ADGRL2: variants seen among roughly 807,000 people sequenced by gnomAD.
The protein encoded by ADGRL2 is calcium-independent alpha-latrotoxin receptor 2.
ADGRL2 carries 44 observed loss-of-function variants against 157.4 expected under a neutral mutation model. The ratio of observed to expected loss-of-function variants is 0.28; its 90% confidence interval spans 0.22 to 0.36. ADGRL2 has a LOEUF of 0.36. Among genes scored for constraint, ADGRL2 ranks in the 10% least tolerant of loss-of-function variants. The pLI, the probability that ADGRL2 is intolerant of heterozygous loss-of-function variation, is 1.00. For synonymous variants in ADGRL2, 585 were observed against 624.7 expected, an observed-to-expected ratio of 0.94 and a Z score of 0.95; for missense variants, 1,510 against 1,768.9, an observed-to-expected ratio of 0.85 and a Z score of 2.63.
chr1:81,876,658 C>T (rs1418335189), intron 2 of ADGRL2, among the ~76,000 whole-genome samples: 1 of 152,076 alleles, frequency 6.6e-6, no homozygotes, highest in Non-Finnish European at 1.5e-5. Flanking sequence ...AGCTAATAAT[C>T]CAACACCCTA....
chr1:81,768,705 T>C (rs966197777), intron 2 of ADGRL2, among the ~76,000 whole-genome samples: 1 of 152,106 alleles, frequency 6.6e-6, no homozygotes, highest in African/African-American at 2.4e-5. Context: ...ACTCCCTAGC[T>C]CAAGCAATCC....
At chr1:81,769,554 C>G (rs61775265) in intron 2 of ADGRL2, among the ~76,000 whole-genome samples, 1 of 151,422 alleles carries the variant, frequency 6.6e-6, no homozygotes, top group Admixed American at 6.6e-5. Context: ...TTTGTCTATC[C>G]CTTTACCAAT....
intron 1 of ADGRL2, among the ~76,000 whole-genome samples, chr1:81,757,808 C>T (rs2085741688): frequency 6.6e-6 from 1 of 152,158 alleles, no homozygotes; most frequent in Non-Finnish European, 1.5e-5. Context: ...AGGCAGATAG[C>T]CAGTCTTTGA....
intron 1 of ADGRL2, among the ~76,000 whole-genome samples, chr1:81,754,312 C>G (rs946092137): frequency 6.7e-6 from 1 of 149,834 alleles, no homozygotes. Flanking sequence ...CATAGACATA[C>G]TAATTTCTTT....
At chr1:81,503,138 A>C in intron 2 of ADGRL2, 1 of 1,614,070 alleles carries the variant, frequency 6.2e-7, no homozygotes, top group Middle Eastern at 1.6e-4. Flanking sequence ...CTGGTGCAGC[A>C]GGCCTTCCAG....
intron 3 of ADGRL2, among the ~76,000 whole-genome samples, chr1:81,611,519 G>A (rs1432627459): frequency 6.6e-6 from 1 of 152,180 alleles, no homozygotes; most frequent in African/African-American, 2.4e-5. Flanking sequence ...CCCACTCACT[G>A]AGACTACTAT....
intron 1 of ADGRL2, among the ~76,000 whole-genome samples, chr1:81,365,989 A>G (rs756104967): frequency 4.6e-5 from 7 of 152,178 alleles, no homozygotes; most frequent in Admixed American, 1.3e-4. Flanking sequence ...TTTTAATAAT[A>G]GTTTATTTCC....
At chr1:81,446,898 T>C (rs2077607397) in intron 2 of ADGRL2, among the ~76,000 whole-genome samples, 1 of 152,192 alleles carries the variant, frequency 6.6e-6, no homozygotes, top group Non-Finnish European at 1.5e-5. Context: ...TAATTTATTG[T>C]AGCCATATTT....
chr1:81,775,911 C>T (rs757762700), intron 2 of ADGRL2, among the ~76,000 whole-genome samples: 2 of 152,064 alleles, frequency 1.3e-5, no homozygotes, highest in Non-Finnish European at 2.9e-5. Flanking sequence ...AAAATAAGGC[C>T]TTTTTAGCTG....
chr1:81,726,030 C>A (rs1311469742), intron 1 of ADGRL2, among the ~76,000 whole-genome samples: 2 of 152,078 alleles, frequency 1.3e-5, no homozygotes, highest in Non-Finnish European at 2.9e-5. Flanking sequence ...CCAAAACAAT[C>A]CGCAGGTGGT....
intron 3 of ADGRL2, among the ~76,000 whole-genome samples, chr1:81,666,525 T>C (rs2082753486): frequency 6.6e-6 from 1 of 152,206 alleles, no homozygotes; most frequent in African/African-American, 2.4e-5. Context: ...TTATTTATTA[T>C]TGGGTTGCCC....
At chr1:81,547,181 T>C (rs2080038516) in intron 2 of ADGRL2, among the ~76,000 whole-genome samples, 1 of 152,152 alleles carries the variant, frequency 6.6e-6, no homozygotes, top group Non-Finnish European at 1.5e-5. Flanking sequence ...TCAGAAAAGC[T>C]ACCATACCAT....
intron 1 of ADGRL2, among the ~76,000 whole-genome samples, chr1:81,752,875 T>C (rs901433761): frequency 6.6e-6 from 1 of 152,174 alleles, no homozygotes; most frequent in Non-Finnish European, 1.5e-5. Flanking sequence ...AAATGATACT[T>C]CCCCAGAGAA....
At chr1:81,456,845 G>A (rs1028960877) in intron 2 of ADGRL2, among the ~76,000 whole-genome samples, 1 of 151,910 alleles carries the variant, frequency 6.6e-6, no homozygotes. Flanking sequence ...TCCTCCTTTT[G>A]TCTTCTGTTT....
intron 2 of ADGRL2, among the ~76,000 whole-genome samples, chr1:81,572,328 A>C (rs1213374307): frequency 6.6e-6 from 1 of 152,182 alleles, no homozygotes; most frequent in African/African-American, 2.4e-5. Context: ...CATCCAAACA[A>C]ACGTTTATTC....
At chr1:81,379,801 A>T (rs2076313301) in intron 1 of ADGRL2, among the ~76,000 whole-genome samples, 1 of 152,082 alleles carries the variant, frequency 6.6e-6, no homozygotes, top group Non-Finnish European at 1.5e-5. Context: ...CCTTGCTAGG[A>T]TCTCGAGTTT....
intron 1 of ADGRL2, chr1:81,722,871 GAAT>G: frequency 1.4e-6 from 1 of 712,040 alleles, no homozygotes; most frequent in South Asian, 1.5e-5. Flanking sequence ...TTTCCCAGAG[GAAT>G]ATCTGGAATG....
chr1:81,537,580 C>T (rs1223560661), intron 2 of ADGRL2, among the ~76,000 whole-genome samples: 1 of 152,150 alleles, frequency 6.6e-6, no homozygotes, highest in Non-Finnish European at 1.5e-5. Context: ...GCCACCACGC[C>T]TGCCCAGCAT....
rs148035335 is a variant in ADGRL2 at position 81,444,487 on chromosome 1, G to A, written c.-301-549G>A. On this transcript the variant is annotated intron_variant, in intron 1 of 24. Coordinates refer to the ADGRL2 transcript ENST00000370721. ...TCATTTATTCTGCCTGTAAAGACTC[G>A]CTTTCTGATTTGCCCTCACATCTGT... Among the ~76,000 whole-genome samples, 121 of 152,234 alleles carry A rather than the reference G, an allele frequency of 7.9e-4. 3 individuals carry two copies. In the East Asian group the frequency reaches 0.02, roughly 25 times the overall value.
Sources: allele counts gnomAD v4.1 joint callset (sites outside exome capture counted in the v4.1 genomes callset), GRCh38; gene constraint gnomAD v4.1.1; transcripts MANE v1.5; gene names NCBI Gene and HGNC (gene_info 2026-07-23, HGNC 2026-07-21).